IRAK1BP1: variants seen among roughly 807,000 people sequenced by gnomAD.
IRAK1BP1 encodes the protein interleukin 1 receptor associated kinase 1 binding protein 1.
Under a neutral mutation model 28.0 loss-of-function variants are expected in IRAK1BP1, and 24 were observed. The observed-to-expected ratio is 0.86, with a 90% CI of 0.62 to 1.20. The LOEUF (loss-of-function observed/expected upper bound fraction) is 1.20. Among genes scored for constraint, IRAK1BP1 ranks in the 50% most tolerant of loss-of-function variants. The pLI is 0.00. For synonymous variants in IRAK1BP1, 131 were observed against 116.3 expected (o/e 1.13, Z -0.81); for missense variants, 336 against 316.7 (o/e 1.06, Z -0.46).
chr6:78,935,456 C>T (rs894919237), intron 4 of IRAK1BP1: 1 of 963,236 alleles, frequency 1.0e-6, no homozygotes, highest in African/African-American at 1.8e-5. Flanking sequence ...TTCCTTTTTT[C>T]CCAGAAATTG....
At chr6:78,964,938 T>C in the IRAK1BP1 span, among the ~76,000 whole-genome samples, 3 of 152,364 alleles carry the variant, frequency 2.0e-5, no homozygotes, top group South Asian at 6.2e-4. Context: ...ATTGTGCATG[T>C]GTGTTGTATT....
At chr6:78,978,528 G>A in the IRAK1BP1 span, 1 of 1,321,750 alleles carries the variant, frequency 7.6e-7, no homozygotes, top group Non-Finnish European at 1.1e-6. Flanking sequence ...TCTATTTCAA[G>A]AGCTGTTAAA....
the IRAK1BP1 span, among the ~76,000 whole-genome samples, chr6:78,973,236 G>C: frequency 5.9e-5 from 9 of 151,988 alleles, no homozygotes; most frequent in East Asian, 1.7e-3. Context: ...CATTCTTAAA[G>C]AAAAGAATTT....
intron 1 of IRAK1BP1, 80 bp downstream of exon 1, chr6:78,867,971 T>C: frequency 7.1e-7 from 1 of 1,405,392 alleles, no homozygotes; most frequent in South Asian, 1.5e-5. Flanking sequence ...CAGGCCCCCC[T>C]AGCGGGAAGG....
chr6:78,881,297 A>T (rs1477410775), intron 1 of IRAK1BP1, among the ~76,000 whole-genome samples: 1 of 152,210 alleles, frequency 6.6e-6, no homozygotes, highest in African/African-American at 2.4e-5. Context: ...GATTCTATTC[A>T]TATGATCTTC....
intron 2 of IRAK1BP1, among the ~76,000 whole-genome samples, chr6:78,886,800 G>A (rs1360518494): frequency 1.3e-5 from 2 of 152,196 alleles, no homozygotes; most frequent in African/African-American, 2.4e-5. Flanking sequence ...AGAGCTGCTT[G>A]TTTTAAAACA....
intron 1 of IRAK1BP1, among the ~76,000 whole-genome samples, chr6:78,870,526 A>G (rs1370414636): frequency 2.6e-5 from 4 of 152,214 alleles, no homozygotes; most frequent in Non-Finnish European, 5.9e-5. Context: ...TAGAAAAAAA[A>G]TGAAACAATA....
chr6:78,942,508 A>G (rs1355942110), intron 4 of IRAK1BP1, among the ~76,000 whole-genome samples: 1 of 151,988 alleles, frequency 6.6e-6, no homozygotes, highest in Non-Finnish European at 1.5e-5. Context: ...ACAAAACAAA[A>G]CAACATGGTT....
chr6:78,955,014 A>G, the IRAK1BP1 span: 772 of 1,339,876 alleles, frequency 5.8e-4, 4 homozygotes, highest in African/African-American at 0.01. Context: ...TACACAATAA[A>G]ATTTGTACTT....
the IRAK1BP1 span, among the ~76,000 whole-genome samples, chr6:78,979,172 C>G: frequency 6.6e-6 from 1 of 152,184 alleles, no homozygotes; most frequent in South Asian, 2.1e-4. Context: ...TGAGAGATGA[C>G]TATCCTTTAA....
intron 2 of IRAK1BP1, among the ~76,000 whole-genome samples, chr6:78,890,034 T>C (rs897401895): frequency 1.3e-5 from 2 of 152,080 alleles, no homozygotes; most frequent in African/African-American, 4.8e-5. Context: ...TGCCCATCAA[T>C]GATAAACTGG....
intron 2 of IRAK1BP1, among the ~76,000 whole-genome samples, chr6:78,888,127 T>C (rs2127647672): frequency 6.6e-6 from 1 of 152,306 alleles, no homozygotes; most frequent in Middle Eastern, 3.4e-3. Context: ...ATTATTCCAC[T>C]TACATGAGGA....
At chr6:78,906,630 C>G (rs1235813949), downstream of IRAK1BP1, among the ~76,000 whole-genome samples, 1 of 152,106 alleles carries the variant, frequency 6.6e-6, no homozygotes, top group Non-Finnish European at 1.5e-5. Flanking sequence ...CCTCTACTCC[C>G]CACCCCAAGA....
chr6:78,895,888 C>T (rs1354569476), intron 2 of IRAK1BP1, among the ~76,000 whole-genome samples: 1 of 152,150 alleles, frequency 6.6e-6, no homozygotes, highest in Non-Finnish European at 1.5e-5. Flanking sequence ...GAATAAAAGA[C>T]ATCCAGAGTG....
the IRAK1BP1 span, among the ~76,000 whole-genome samples, chr6:78,976,164 G>T: frequency 2.9e-3 from 430 of 148,820 alleles, no homozygotes; most frequent in African/African-American, 9.9e-3. Context: ...ATGGTACTGG[G>T]ACCAAAACAG....
chr6:78,876,650 C>T (rs35304712), intron 1 of IRAK1BP1, among the ~76,000 whole-genome samples: 2,508 of 152,280 alleles, frequency 0.016, 29 homozygotes, highest in Non-Finnish European at 0.026. Flanking sequence ...TTCCTGGCCC[C>T]TACCCATGGG....
chr6:78,916,458 G>C (rs1171517968), intron 4 of IRAK1BP1, among the ~76,000 whole-genome samples: 1 of 151,996 alleles, frequency 6.6e-6, no homozygotes, highest in Non-Finnish European at 1.5e-5. Flanking sequence ...GCAGTGTGGT[G>C]GGGGGAGGGA....
At chr6:78,926,829 T>A (rs1330299397) in intron 4 of IRAK1BP1, among the ~76,000 whole-genome samples, 1 of 152,162 alleles carries the variant, frequency 6.6e-6, no homozygotes, top group Non-Finnish European at 1.5e-5. Flanking sequence ...CTTATTTCCC[T>A]TAACATGATG....
At chr6:78,946,186 G>A (rs1208935099) in exon 5 of IRAK1BP1, 1 of 1,613,690 alleles carries the variant, frequency 6.2e-7, no homozygotes, top group Non-Finnish European at 8.5e-7. Flanking sequence ...TATTGATCGT[G>A]TAGGTGTAGA....
Sources: gnomAD v4.1 joint callset for allele counts (sites outside exome capture counted in the v4.1 genomes callset) on GRCh38, gnomAD v4.1.1 for gene constraint, MANE v1.5 for transcripts, NCBI Gene and HGNC (gene_info 2026-07-23, HGNC 2026-07-21) for gene names.